The following TMOD2 variants were observed in gnomAD, a reference collection of about 807,000 sequenced individuals.
The protein encoded by TMOD2 is tropomodulin 2.
TMOD2 carries 22 observed loss-of-function variants against 39.9 expected under a neutral mutation model. The ratio of observed to expected loss-of-function variants is 0.55; its 90% CI spans 0.39 to 0.79. The LOEUF is 0.79. Ranked by LOEUF, TMOD2 falls within the 30% of genes least tolerant of loss-of-function variation. TMOD2 has a pLI of 0.00. For missense variants in TMOD2, 386 were observed against 413.3 expected (o/e 0.93, Z 0.57); for synonymous variants, 123 against 146.1 (o/e 0.84, Z 1.14).
At position 51,764,036 on chromosome 15, in the gene TMOD2, T is replaced by C. The variant is rs543436351; in HGVS notation, c.-69-2337T>C. On this transcript the variant is annotated intron_variant, in intron 1 of 9. Transcript: ENST00000249700. ...AGGATCCAATTGGTTTCTCTGACTTTAGTAGAATTTTTGTTTGTTTATTTA... is the reference window on the plus strand; with the variant it reads ...AGGATCCAATTGGTTTCTCTGACTTCAGTAGAATTTTTGTTTGTTTATTTA... 1.1e-4 allele frequency among the ~76,000 whole-genome samples: 17 copies of C among 152,134 alleles called. No homozygotes were observed. In the South Asian group the frequency reaches 3.5e-3, roughly 32 times the overall value.
At chr15:51,783,745 TGATAGATAGATAGATAGATA>T (rs57407023) in intron 7 of TMOD2, 6 of 146,350 alleles carry the variant, frequency 4.1e-5, no homozygotes, top group African/African-American at 1.0e-4. Flanking sequence ...TAGAACGAGA[TGATAGATAGATAGATAGATA>T]GATAGATAGA....
chr15:51,782,700 G>C (rs374442006), intron 6 of TMOD2, 21 bp from the exon 7 acceptor site: 16 of 1,594,110 alleles, frequency 1.0e-5, no homozygotes, highest in Non-Finnish European at 1.2e-5. Context: ...TCATCAACTA[G>C]CCATGTCCTC....
chr15:51,781,094 C>T lies in TMOD2; in HGVS notation c.544C>T (p.Pro182Ser), dbSNP rs759218238. The T allele has an allele frequency of 1.2e-6, 2 of 1,611,524 alleles. No individual in the cohort carries two copies. The highest frequency in any genetic ancestry group is 1.7e-6 in the Non-Finnish European group (2 of 1,179,092). Residue 182 changes from proline (P) to serine (S), a missense_variant, in exon 6 of 10, where the codon CCC becomes TCC. Transcript: ENST00000249700. ...GCCAGTATTTGAGGAACCACCAAAT[C>T]CCACAAATGTGGAAATAAGCCTGCA... is the stretch of plus-strand genomic sequence containing the variant. ...VKPVFEEPPN[P>S]TNVEISLQQM...
chr15:51,757,942 G>A (rs2055754064), intron 1 of TMOD2, among the ~76,000 whole-genome samples: 1 of 152,144 alleles, frequency 6.6e-6, no homozygotes, highest in Non-Finnish European at 1.5e-5. Context: ...GGACATACCT[G>A]TAGTCTCAGC....
At chr15:51,804,018 A>G (rs774821285) in intron 8 of TMOD2, among the ~76,000 whole-genome samples, 6 of 152,218 alleles carry the variant, frequency 3.9e-5, no homozygotes, top group Non-Finnish European at 8.8e-5. Flanking sequence ...GTTAGCAAGA[A>G]TAAAAGCTGT....
At chr15:51,794,699 A>ATG (rs2056036113) in intron 7 of TMOD2, among the ~76,000 whole-genome samples, 1 of 152,152 alleles carries the variant, frequency 6.6e-6, no homozygotes, top group Non-Finnish European at 1.5e-5. Context: ...GACCATTCTA[A>ATG]TGTGTGGTCA....
chr15:51,755,665 C>A (rs1032791148), intron 1 of TMOD2, among the ~76,000 whole-genome samples: 2 of 152,112 alleles, frequency 1.3e-5, no homozygotes, highest in African/African-American at 4.8e-5. Context: ...GGACAACTGT[C>A]CTCATTGTTG....
In TMOD2 at chr15:51,766,612, A is replaced by G. The variant is rs201338562; in HGVS notation, c.126+45A>G. ...AGCAGAGTGGTTAATGATAGTATGG[A>G]TAAATGGCATGGCTTGGTCCTTAAA... On this transcript the variant is annotated intron_variant, in intron 2 of 9. Transcript: ENST00000249700. 38 of 1,592,448 alleles carry G rather than the reference A, an allele frequency of 2.4e-5. No homozygotes were observed. The Middle Eastern group carries it at 2.5e-3, about 106-fold the overall frequency.
At chr15:51,783,154 T>C (rs773394617) in intron 7 of TMOD2, 10 of 275,832 alleles carry the variant, frequency 3.6e-5, no homozygotes, top group Non-Finnish European at 7.0e-5. Flanking sequence ...TTGGATATCA[T>C]GACCCTAAAG....
Position 51,809,336 on chromosome 15 carries a change from T to C in TMOD2, c.*882T>C, listed in dbSNP as rs762527469. 6 of 152,674 alleles carry C rather than the reference T, an allele frequency of 3.9e-5. No homozygotes were observed. Among genetic ancestry groups the C allele is most frequent in the Non-Finnish European group, 8.8e-5 (6 of 68,044 alleles). The allele number at this position is 152,674 out of a possible 1,614,324, so 9.5% of individuals were successfully genotyped here. On this transcript the variant is annotated 3_prime_UTR_variant, in exon 10 of 10. Coordinates refer to ENST00000249700, the MANE Select transcript of TMOD2 (RefSeq NM_014548.4). ...AATCAAGGCTGTCTGATGCAGATGA[T>C]TGCATTTTTTGGCAAATTTTAGAAG...
intron 3 of TMOD2, among the ~76,000 whole-genome samples, chr15:51,771,939 A>G (rs1330359373): frequency 6.6e-6 from 1 of 152,214 alleles, no homozygotes; most frequent in Non-Finnish European, 1.5e-5. Flanking sequence ...GTCAGTGATA[A>G]TGACCTTGTT....
intron 4 of TMOD2, among the ~76,000 whole-genome samples, chr15:51,776,240 G>T (rs567553442): frequency 3.8e-4 from 58 of 152,176 alleles, no homozygotes; most frequent in Non-Finnish European, 7.6e-4. Flanking sequence ...TCCCTTCTGG[G>T]ATCCTTCTTC....
Position 51,774,686 on chromosome 15 carries a change from A to G in TMOD2, c.406+852A>G, listed in dbSNP as rs905203712. On this transcript the variant is annotated intron_variant, in intron 4 of 9. Transcript: ENST00000249700. Reference sequence around the variant, plus strand: ...GAACTTAATATTGACCATATTGACCACTGCAGGAGTTGAGGCGATGGCGTC... The same window carrying G: ...GAACTTAATATTGACCATATTGACCGCTGCAGGAGTTGAGGCGATGGCGTC... 3.3e-5 allele frequency among the ~76,000 whole-genome samples: 5 copies of G among 152,084 alleles called. No homozygotes were observed. The East Asian group carries it at 9.6e-4, about 29-fold the overall frequency.
At chr15:51,799,392 T>A (rs1487049891) in intron 8 of TMOD2, among the ~76,000 whole-genome samples, 1 of 152,194 alleles carries the variant, frequency 6.6e-6, no homozygotes, top group East Asian at 1.9e-4. Context: ...GACTGTTGCC[T>A]AACCCTGGAA....
Position 51,768,371 on chromosome 15 carries a change from A to C in TMOD2, c.236A>C (p.Glu79Ala), listed in dbSNP as rs1595864821. Reference protein sequence around the residue: ...LLMYLEKEALEQKDREDFVPF... With the variant: ...LLMYLEKEALAQKDREDFVPF... ...ATGTACCTGGAGAAGGAGGCTTTGG[A>C]ACAGAAAGACAGAGAGGACTTTGTG... Residue 79 changes from glutamate to alanine, a missense_variant, in exon 3 of 10, where the codon GAA becomes GCA. Transcript: ENST00000249700. The C allele has an allele frequency of 6.2e-7, 1 of 1,613,992 alleles. No homozygotes were observed.
intron 8 of TMOD2, among the ~76,000 whole-genome samples, chr15:51,802,513 G>A (rs1171256225): frequency 2.0e-5 from 3 of 152,232 alleles, no homozygotes; most frequent in Non-Finnish European, 4.4e-5. Flanking sequence ...AAAATAGCCA[G>A]CTACTTGGAG....
chr15:51,763,107 A>T lies in TMOD2; in HGVS notation c.-69-3266A>T, dbSNP rs75899583. Among the ~76,000 whole-genome samples the T allele has an allele frequency of 1.0e-3, 131 of 128,226 alleles. 1 individual carries two copies. In the South Asian group the frequency reaches 0.015, roughly 14 times the overall value. The allele number at this position is 128,226 out of a possible 152,430, so 84.1% of individuals were successfully genotyped here. A position where few individuals can be genotyped will look rare whatever the true frequency, so the allele number is the denominator to read the frequency against. On this transcript the variant is annotated intron_variant, in intron 1 of 9. Transcript: ENST00000249700. ...GTGCCACCATGCCCAGCTAATTTTT[A>T]AAAAAAAAAATTGTAGAAACGGGGT...
At chr15:51,767,820 G>A (rs1384210368) in intron 2 of TMOD2, among the ~76,000 whole-genome samples, 1 of 152,186 alleles carries the variant, frequency 6.6e-6, no homozygotes, top group Non-Finnish European at 1.5e-5. Flanking sequence ...GCTTTATCAA[G>A]CAGGCATTAA....
chr15:51,763,426 G>A (rs2055795263), intron 1 of TMOD2, among the ~76,000 whole-genome samples: 1 of 152,178 alleles, frequency 6.6e-6, no homozygotes. Context: ...CACACTCAGA[G>A]TCCAACATTT....
Sources: gnomAD v4.1 joint callset for allele counts (sites outside exome capture counted in the v4.1 genomes callset) on GRCh38, gnomAD v4.1.1 for gene constraint, MANE v1.5 for transcripts, NCBI Gene and HGNC (gene_info 2026-07-23, HGNC 2026-07-21) for gene names.